TCF12: variants seen among roughly 807,000 people sequenced by gnomAD.
The protein encoded by TCF12 is transcription factor 12.
A neutral mutation model predicts 86.0 loss-of-function variants in TCF12; 45 were observed. That is an observed-to-expected ratio of 0.52 (90% confidence interval 0.41 to 0.67). TCF12 has a LOEUF of 0.67. Ranked by LOEUF, TCF12 falls within the 30% of genes least tolerant of loss-of-function variation. TCF12 has a pLI of 0.00. For synonymous variants in TCF12, 330 were observed against 299.6 expected, an observed-to-expected ratio of 1.10 and a Z score of -1.05; for missense variants, 881 against 859.9, an observed-to-expected ratio of 1.02 and a Z score of -0.31.
rs16977342 is a variant in TCF12, at chr15:57,243,168, T to C, written c.1036-304T>C. 0.014 allele frequency among the ~76,000 whole-genome samples: 2,140 copies of C among 152,342 alleles called. 54 individuals are homozygous for C. Among genetic ancestry groups the C allele is most frequent in the African/African-American group, 0.045 (1,862 of 41,584 alleles). The stretch of plus-strand genomic sequence containing the variant: ...CATATTCTAGAAAGATTGTCAGATT[T>C]GTTAACTTTGTAGATACTTCTCCTT... On this transcript the variant is annotated intron_variant, in intron 12 of 20. Coordinates refer to ENST00000333725, the MANE Select transcript of TCF12 (RefSeq NM_207037.2).
intron 19 of TCF12, among the ~76,000 whole-genome samples, chr15:57,279,422 T>G (rs990153273): frequency 1.2e-4 from 18 of 152,188 alleles, no homozygotes; most frequent in African/African-American, 4.3e-4. Flanking sequence ...AAGACATACT[T>G]CTCATGCCCT....
chr15:57,195,654 A>G (rs1349631495), intron 7 of TCF12, among the ~76,000 whole-genome samples: 2 of 152,174 alleles, frequency 1.3e-5, no homozygotes, highest in Non-Finnish European at 2.9e-5. Context: ...TTGCCTTTTT[A>G]ACTTTGCAGC....
intron 3 of TCF12, among the ~76,000 whole-genome samples, chr15:57,001,083 C>T (rs921594479): frequency 7.1e-6 from 1 of 141,514 alleles, no homozygotes; most frequent in African/African-American, 2.6e-5. Context: ...GTGGCGCGAT[C>T]TCGGCTCACT....
At chr15:57,024,329 C>T (rs1165623117) in intron 3 of TCF12, among the ~76,000 whole-genome samples, 2 of 147,756 alleles carry the variant, frequency 1.4e-5, no homozygotes, top group Non-Finnish European at 3.0e-5. Flanking sequence ...AAGCTATTCT[C>T]CTGCCTTCTG....
At chr15:57,042,472 G>A (rs1176964763) in intron 3 of TCF12, among the ~76,000 whole-genome samples, 2 of 152,170 alleles carry the variant, frequency 1.3e-5, no homozygotes, top group African/African-American at 4.8e-5. Flanking sequence ...TGAAATGTGT[G>A]CCACAGTCAT....
At chr15:57,229,899 A>G (rs181117895) in intron 8 of TCF12, among the ~76,000 whole-genome samples, 1 of 152,100 alleles carries the variant, frequency 6.6e-6, no homozygotes, top group East Asian at 1.9e-4. Flanking sequence ...TCCAAGAAAG[A>G]ATAAATTAAT....
chr15:57,193,068 T>C (rs527618890), intron 7 of TCF12, among the ~76,000 whole-genome samples: 14 of 152,340 alleles, frequency 9.2e-5, no homozygotes, highest in African/African-American at 3.4e-4. Context: ...AAGGTGGTTT[T>C]ATATACATTC....
chr15:57,252,208 G>A, intron 14 of TCF12: 2 of 412,698 alleles, frequency 4.8e-6, no homozygotes, highest in Non-Finnish European at 8.6e-6. Context: ...TATTTTGCAA[G>A]CAATTATAAG....
At chr15:57,009,005 G>C (rs1378051731) in intron 3 of TCF12, among the ~76,000 whole-genome samples, 1 of 152,114 alleles carries the variant, frequency 6.6e-6, no homozygotes, top group Non-Finnish European at 1.5e-5. Flanking sequence ...ACCTAAATTT[G>C]TAAAATAAAA....
rs1440591140 is a variant in TCF12 at position 57,263,245 on chromosome 15, T to A, written c.1716T>A (p.Asp572Glu). 6.8e-6 allele frequency: 11 copies of A among 1,611,068 alleles called. No individual in the cohort carries two copies. Among genetic ancestry groups the A allele is most frequent in the Non-Finnish European group, 8.5e-6 (10 of 1,179,340 alleles). Reference protein sequence around the residue: ...MKSDDESSQKDIKVSSRGRTS... With the variant: ...MKSDDESSQKEIKVSSRGRTS... The stretch of plus-strand genomic sequence containing the variant: ...CAGATGATGAATCCTCCCAAAAAGA[T>A]ATCAAGGTTTCATCTAGAGGCAGAA... Residue 572 changes from aspartate to glutamate, a missense_variant, in exon 18 of 21, where the codon GAT (aspartate) becomes GAA (glutamate). Around this residue, in one of 3 missense-constraint regions of TCF12, gnomAD observed 766 missense variants for 718.9 expected, o/e 1.07. Transcript: ENST00000333725.
At chr15:56,988,822 A>G (rs1259773280) in intron 3 of TCF12, among the ~76,000 whole-genome samples, 1 of 152,168 alleles carries the variant, frequency 6.6e-6, no homozygotes, top group African/African-American at 2.4e-5. Context: ...GGATGGTAAA[A>G]GATGTAAAAA....
At chr15:57,236,230 C>T (rs945998598) in intron 12 of TCF12, among the ~76,000 whole-genome samples, 1 of 152,160 alleles carries the variant, frequency 6.6e-6, no homozygotes, top group Admixed American at 6.5e-5. Context: ...CAGCCGGACA[C>T]CTCCCCAAAT....
intron 8 of TCF12, among the ~76,000 whole-genome samples, chr15:57,199,982 A>T (rs1485517187): frequency 6.6e-5 from 10 of 151,670 alleles, no homozygotes; most frequent in Admixed American, 5.2e-4. Context: ...CCTTGGCTCA[A>T]GCGACCCTTC....
chr15:56,958,990 G>A (rs1269414326), intron 3 of TCF12, among the ~76,000 whole-genome samples: 1 of 152,072 alleles, frequency 6.6e-6, no homozygotes, highest in Non-Finnish European at 1.5e-5. Context: ...TGTATATTAG[G>A]CTGTCTTCTA....
At chr15:57,234,744 A>G (rs2059311593) in intron 12 of TCF12, among the ~76,000 whole-genome samples, 1 of 152,218 alleles carries the variant, frequency 6.6e-6, no homozygotes, top group Non-Finnish European at 1.5e-5. Context: ...GAATGCCAAA[A>G]CTAGAAGGGA....
chr15:57,047,408 GAAAGATTGAACAAGAT>G (rs2067304841), intron 3 of TCF12, among the ~76,000 whole-genome samples: 1 of 152,152 alleles, frequency 6.6e-6, no homozygotes, highest in Non-Finnish European at 1.5e-5. Context: ...CTTACTTTGA[GAAAGATTGAACAAGAT>G]AAGTGATTTT....
chr15:57,118,342 C>T (rs1489360697), intron 5 of TCF12: 3 of 152,232 alleles, frequency 2.0e-5, no homozygotes, highest in South Asian at 4.1e-4. Flanking sequence ...TAAAGAATCA[C>T]TGACTGTCTC....
intron 5 of TCF12, among the ~76,000 whole-genome samples, chr15:57,124,128 T>C (rs1181052906): frequency 1.3e-5 from 2 of 152,044 alleles, no homozygotes; most frequent in African/African-American, 4.8e-5. Flanking sequence ...TTCTTGAGTC[T>C]CTCCTCTAAA....
intron 3 of TCF12, among the ~76,000 whole-genome samples, chr15:56,926,332 A>G (rs1304242589): frequency 1.3e-5 from 2 of 150,692 alleles, no homozygotes; most frequent in African/African-American, 2.4e-5. Context: ...AAAACAGTGG[A>G]GAAATTTATT....
Sources: allele counts gnomAD v4.1 joint callset (sites outside exome capture counted in the v4.1 genomes callset), GRCh38; gene constraint gnomAD v4.1.1; regional missense constraint gnomAD v4.1.1; transcripts MANE v1.5; gene names NCBI Gene and HGNC (gene_info 2026-07-23, HGNC 2026-07-21).